The following TFDP2 variants were observed in gnomAD, a reference collection of about 807,000 sequenced individuals.
TFDP2 encodes the protein transcription factor Dp-2, also known as transcription factor Dp-2 (E2F dimerization partner 2).
A neutral mutation model predicts 59.3 loss-of-function variants in TFDP2; 17 were observed. The observed-to-expected ratio is 0.29, with a 90% CI of 0.20 to 0.43. The LOEUF (loss-of-function observed/expected upper bound fraction) is 0.43, where lower values mean the gene tolerates loss of function less well. Among genes scored for constraint, TFDP2 ranks in the 20% least tolerant of loss-of-function variants. TFDP2 has a pLI of 1.00. For synonymous variants in TFDP2, 180 were observed against 194.7 expected, an observed-to-expected ratio of 0.92 and a Z score of 0.63; for missense variants, 391 against 528.8, an observed-to-expected ratio of 0.74 and a Z score of 2.56.
intron 3 of TFDP2, among the ~76,000 whole-genome samples, chr3:142,079,929 G>A (rs2060578823): frequency 6.6e-6 from 1 of 152,142 alleles, no homozygotes; most frequent in South Asian, 2.1e-4. Flanking sequence ...GGATGTTAAT[G>A]AGCAATAAGA....
chr3:142,006,786 T>C (rs889730426), intron 3 of TFDP2, among the ~76,000 whole-genome samples: 4 of 148,048 alleles, frequency 2.7e-5, no homozygotes, highest in African/African-American at 9.7e-5. Context: ...TCTTTTTCTT[T>C]TTCTTTTTTT....
At chr3:141,968,335 A>C (rs1258843677) in intron 9 of TFDP2, among the ~76,000 whole-genome samples, 3,255 of 126,808 alleles carry the variant, frequency 0.026, 240 homozygotes, top group Non-Finnish European at 0.041. Flanking sequence ...TATAATATAT[A>C]TAATATATAA....
chr3:142,086,944 C>T (rs1005429374), intron 3 of TFDP2, among the ~76,000 whole-genome samples: 3 of 152,284 alleles, frequency 2.0e-5, no homozygotes, highest in Admixed American at 6.5e-5. Context: ...GTATCAGATG[C>T]TCCTACCACT....
intron 3 of TFDP2, among the ~76,000 whole-genome samples, chr3:142,031,408 T>C (rs193161263): frequency 6.6e-6 from 1 of 152,196 alleles, no homozygotes; most frequent in South Asian, 2.1e-4. Context: ...TTCTCCATGC[T>C]TGCCTTCCTT....
At chr3:142,141,953 T>C (rs2062977696) in intron 1 of TFDP2, among the ~76,000 whole-genome samples, 1 of 152,088 alleles carries the variant, frequency 6.6e-6, no homozygotes, top group African/African-American at 2.4e-5. Context: ...CACCCCAACA[T>C]AATAAAAGCC....
At chr3:142,005,604 A>G in intron 3 of TFDP2, 60 bp from the exon 4 acceptor site, 1 of 1,111,810 alleles carries the variant, frequency 9.0e-7, no homozygotes, top group Non-Finnish European at 1.3e-6. Context: ...TTTTCTAGCT[A>G]TATACACACC....
rs1390738162 is a variant in TFDP2, at chr3:142,137,107, TG to T, written c.-93+12075del. ...CTTTGAAGAGGTCCTTCACATCCCT[TG>T]TAAGTTGGATTCCTAGGTATTTTAC... On this transcript the variant is annotated intron_variant, in intron 1 of 12. Transcript: ENST00000489671. Among the ~76,000 whole-genome samples, 4 of 152,156 alleles carry T rather than the reference TG, an allele frequency of 2.6e-5. No individual in the cohort carries two copies. In the East Asian group the frequency reaches 7.7e-4, roughly 29 times the overall value.
intron 3 of TFDP2, among the ~76,000 whole-genome samples, chr3:142,035,117 C>T (rs1054364220): frequency 6.6e-6 from 1 of 152,138 alleles, no homozygotes; most frequent in Non-Finnish European, 1.5e-5. Context: ...CAACCACAGC[C>T]ATCTCTTTTG....
At chr3:142,139,735 C>T (rs913856948) in intron 1 of TFDP2, among the ~76,000 whole-genome samples, 5 of 152,160 alleles carry the variant, frequency 3.3e-5, no homozygotes, top group Admixed American at 1.3e-4. Flanking sequence ...CCGAGAGATC[C>T]GCTGTTAGTC....
chr3:141,964,038 C>A, intron 9 of TFDP2, 75 bp from the exon 10 acceptor site: 1 of 1,356,082 alleles, frequency 7.4e-7, no homozygotes, highest in South Asian at 1.5e-5. Context: ...AAGATAATAC[C>A]TTTAAATATA....
chr3:142,143,326 C>T (rs929543960), intron 1 of TFDP2, among the ~76,000 whole-genome samples: 10 of 152,098 alleles, frequency 6.6e-5, no homozygotes, highest in African/African-American at 2.2e-4. Context: ...GGAAAATCTC[C>T]AGGACATTGG....
intron 6 of TFDP2, among the ~76,000 whole-genome samples, chr3:141,992,479 T>C (rs1490179524): frequency 6.6e-6 from 1 of 152,234 alleles, no homozygotes; most frequent in Non-Finnish European, 1.5e-5. Context: ...GACAAATAGT[T>C]CCATTTTAAG....
chr3:142,091,654 C>A (rs983788119), intron 3 of TFDP2, among the ~76,000 whole-genome samples: 1 of 152,080 alleles, frequency 6.6e-6, no homozygotes, highest in Admixed American at 6.6e-5. Flanking sequence ...GGTCCCCAAC[C>A]TTTTTTGGTA....
chr3:141,961,523 G>A (rs375152165), intron 10 of TFDP2, among the ~76,000 whole-genome samples: 2 of 151,974 alleles, frequency 1.3e-5, no homozygotes, highest in East Asian at 3.9e-4. Flanking sequence ...GATTACAGGT[G>A]TGAGCCACCG....
In TFDP2 at chr3:141,965,593, G is replaced by GAAGGAAAGGAAAGGA. The variant is rs372030999; in HGVS notation, c.733-1645_733-1631dup. 3.3e-4 allele frequency among the ~76,000 whole-genome samples: 48 copies of GAAGGAAAGGAAAGGA among 145,176 alleles called. 1 individual carries two copies. The highest frequency in any genetic ancestry group is 1.1e-3 in the African/African-American group (42 of 38,156). ...GGGAAGGGGAAGGGGAAGGAAAGGG[G>GAAGGAAAGGAAAGGA]AAGGAAAGGAAAGGAAAGGAAAGGA... On this transcript the variant is annotated intron_variant, in intron 9 of 12. Coordinates refer to ENST00000489671, the MANE Select transcript of TFDP2 (RefSeq NM_001178139.2).
chr3:142,079,238 G>C (rs2060559039), intron 3 of TFDP2, among the ~76,000 whole-genome samples: 2 of 152,108 alleles, frequency 1.3e-5, no homozygotes. Flanking sequence ...GGGAGGCAGA[G>C]GTTTCAGTGA....
intron 3 of TFDP2, among the ~76,000 whole-genome samples, chr3:142,030,896 C>G (rs1576780132): frequency 6.6e-6 from 1 of 151,404 alleles, no homozygotes. Context: ...GCGCCCGCCA[C>G]TACGCCCGGC....
intron 1 of TFDP2, among the ~76,000 whole-genome samples, chr3:142,139,379 A>G (rs2062853124): frequency 6.6e-6 from 1 of 152,148 alleles, no homozygotes; most frequent in South Asian, 2.1e-4. Flanking sequence ...TAAGGTTAAT[A>G]TTGTTATGTG....
intron 3 of TFDP2, among the ~76,000 whole-genome samples, chr3:142,047,746 T>G (rs1187442392): frequency 6.6e-6 from 1 of 150,984 alleles, no homozygotes; most frequent in Non-Finnish European, 1.5e-5. Flanking sequence ...CTTTTTTTTT[T>G]TTTTTTTTGA....
Sources: gnomAD v4.1 joint callset for allele counts (sites outside exome capture counted in the v4.1 genomes callset) on GRCh38, gnomAD v4.1.1 for gene constraint, MANE v1.5 for transcripts, NCBI Gene and HGNC (gene_info 2026-07-23, HGNC 2026-07-21) for gene names.